The following SNUPN variants were observed in gnomAD, a reference collection of about 807,000 sequenced individuals.
SNUPN encodes the protein snurportin 1.
In SNUPN, 31 loss-of-function variants were observed where a neutral mutation model predicts 39.2. The observed-to-expected ratio is 0.79, with a 90% CI of 0.59 to 1.07. SNUPN has a LOEUF of 1.07. Ranked by LOEUF, SNUPN falls within the 50% of genes least tolerant of loss-of-function variation. The pLI, the probability that SNUPN is intolerant of heterozygous loss-of-function variation, is 0.00. For missense variants in SNUPN, 382 were observed against 434.2 expected (o/e 0.88, Z 1.07); for synonymous variants, 132 against 159.0 (o/e 0.83, Z 1.28).
Position 75,609,913 on chromosome 15 carries a change from T to C in SNUPN, c.385A>G (p.Arg129Gly). 2 of 1,613,996 alleles carry C rather than the reference T, an allele frequency of 1.2e-6. No homozygotes were observed. The highest frequency in any genetic ancestry group is 1.7e-6 in the Non-Finnish European group (2 of 1,179,922). ...WIVVVCPVGK[R>G]ALIVASRGST... ...ACCCTGGAGGCCACGATAAGGGCTC[T>C]TTTTCCAACAGGGCACACGACCACA... The change falls in exon 4 of 9, where the codon AGA (arginine) becomes GGA (glycine). Residue 129 changes from arginine (R) to glycine (G), a missense_variant. By Grantham distance (125) the Arg-to-Gly change is moderately radical. Coordinates refer to ENST00000308588, the MANE Select transcript of SNUPN (RefSeq NM_005701.4).
At chr15:75,624,451 G>C (rs1298959386) in intron 1 of SNUPN, among the ~76,000 whole-genome samples, 1 of 146,486 alleles carries the variant, frequency 6.8e-6, no homozygotes, top group Non-Finnish European at 1.5e-5. Flanking sequence ...CTGAGGTTAG[G>C]AGATCGAGAC....
At chr15:75,609,417 C>G (rs1327193613) in intron 5 of SNUPN, 141 bp downstream of exon 5, 1 of 653,930 alleles carries the variant, frequency 1.5e-6, no homozygotes, top group Non-Finnish European at 2.8e-6. Flanking sequence ...TCTCGATCTC[C>G]TGACCTCATG....
At chr15:75,602,711 T>C (rs2075298709) in intron 7 of SNUPN, among the ~76,000 whole-genome samples, 1 of 151,182 alleles carries the variant, frequency 6.6e-6, no homozygotes, top group Non-Finnish European at 1.5e-5. Context: ...GCTCAAGTGA[T>C]CCTCCCACCT....
At chr15:75,615,594 ATTTTTT>A (rs141302808) in intron 3 of SNUPN, among the ~76,000 whole-genome samples, 173 of 73,978 alleles carry the variant, frequency 2.3e-3, no homozygotes, top group African/African-American at 8.5e-3. Flanking sequence ...AAGGAATCTC[ATTTTTT>A]TTTTTTTTTT....
At position 75,617,410 on chromosome 15, in the gene SNUPN, G is replaced by A; in HGVS notation, c.301C>T (p.Gln101Ter). 6.2e-7 allele frequency: 1 copy of A among 1,613,464 alleles called. No homozygotes were observed. Among genetic ancestry groups the A allele is most frequent in the Non-Finnish European group, 8.5e-7 (1 of 1,179,768 alleles). ...VKKLPKHYAN[Q>*]LMLSEWLIDV... is the part of the protein sequence containing the mutation. ...CTCATCTTCTCTGGACCACTTACTT[G>A]ATTAGCATAGTGTTTTGGTAACTTC... Residue 101 changes from glutamine (Q) to a stop codon, truncating the protein, a stop_gained and splice_region_variant, in exon 3 of 9, where the codon CAA becomes TAA. Transcript: ENST00000308588. LOFTEE classifies it high-confidence loss of function.
intron 3 of SNUPN, among the ~76,000 whole-genome samples, chr15:75,611,747 C>T (rs1486541286): frequency 5.3e-5 from 8 of 151,564 alleles, no homozygotes; most frequent in African/African-American, 1.5e-4. Flanking sequence ...CCCAGCTACT[C>T]GGGAGGTTGA....
chr15:75,598,789 G>A (rs2075262713), intron 8 of SNUPN, 108 bp from the exon 9 acceptor site: 1 of 772,812 alleles, frequency 1.3e-6, no homozygotes, highest in African/African-American at 1.7e-5. Context: ...CTTTTTCTGG[G>A]TCACTGACAG....
chr15:75,603,522 G>A (rs1306226108), intron 7 of SNUPN, among the ~76,000 whole-genome samples: 1 of 151,236 alleles, frequency 6.6e-6, no homozygotes, highest in East Asian at 2.0e-4. Context: ...TTAGCCGGTC[G>A]TGGTGGTGGG....
At chr15:75,601,032 G>C (rs1331167476) in intron 8 of SNUPN, 106 bp downstream of exon 8, 2 of 864,982 alleles carry the variant, frequency 2.3e-6, no homozygotes, top group Non-Finnish European at 3.9e-6. Flanking sequence ...GTCCCATTCT[G>C]ATGCTTTGAC....
At chr15:75,609,725 G>C in intron 4 of SNUPN, 74 bp from the exon 5 acceptor site, 1 of 1,250,140 alleles carries the variant, frequency 8.0e-7, no homozygotes. Context: ...CATTCTGCAG[G>C]AATGTTACTC....
At chr15:75,619,679 A>G (rs1893021075) in intron 2 of SNUPN, among the ~76,000 whole-genome samples, 1 of 152,052 alleles carries the variant, frequency 6.6e-6, no homozygotes, top group African/African-American at 2.4e-5. Context: ...AACTAATAAT[A>G]TAGGAGAGGA....
chr15:75,615,791 G>A (rs531942439), intron 3 of SNUPN, among the ~76,000 whole-genome samples: 96 of 151,166 alleles, frequency 6.4e-4, no homozygotes, highest in African/African-American at 2.2e-3. Context: ...TGTATTTTTA[G>A]TAGAGACGGG....
chr15:75,606,013 C>T (rs2075328389), intron 6 of SNUPN, among the ~76,000 whole-genome samples: 1 of 152,116 alleles, frequency 6.6e-6, no homozygotes, highest in Non-Finnish European at 1.5e-5. Context: ...GGTGTGGTGG[C>T]AAGCGCCTGT....
At chr15:75,623,520 C>G (rs1893130075) in intron 1 of SNUPN, among the ~76,000 whole-genome samples, 1 of 150,646 alleles carries the variant, frequency 6.6e-6, no homozygotes, top group Non-Finnish European at 1.5e-5. Flanking sequence ...TCTCGGCTCA[C>G]TGCAGCCTCC....
chr15:75,611,845 C>A (rs902708421), intron 3 of SNUPN, among the ~76,000 whole-genome samples: 1 of 151,784 alleles, frequency 6.6e-6, no homozygotes, highest in African/African-American at 2.4e-5. Flanking sequence ...CAGAGCGAGA[C>A]CCCGTCTCAA....
intron 1 of SNUPN, among the ~76,000 whole-genome samples, chr15:75,622,745 G>A (rs1893103029): frequency 6.6e-6 from 1 of 152,148 alleles, no homozygotes; most frequent in African/African-American, 2.4e-5. Context: ...CAACTCCATA[G>A]GCCTCTACTT....
intron 3 of SNUPN, among the ~76,000 whole-genome samples, chr15:75,612,102 G>A (rs1401165790): frequency 4.7e-5 from 7 of 148,320 alleles, no homozygotes; most frequent in Non-Finnish European, 1.0e-4. Flanking sequence ...GCACAATCTC[G>A]GTTCACTGCA....
Position 75,609,655 on chromosome 15 carries a change from C to A in SNUPN, c.409-4G>T. 6 of 1,600,992 alleles carry A rather than the reference C, an allele frequency of 3.7e-6. No individual in the cohort carries two copies. The highest frequency in any genetic ancestry group is 5.1e-6 in the Non-Finnish European group (6 of 1,173,090). ...TGGTGTAGGCACTGGTAGAACCCTGCATGGAGAGAAAGTTACCATTCTTAT... is the reference window on the plus strand; with the variant it reads ...TGGTGTAGGCACTGGTAGAACCCTGAATGGAGAGAAAGTTACCATTCTTAT... On this transcript the variant is annotated splice_polypyrimidine_tract_variant and splice_region_variant and intron_variant, in intron 4 of 8. Transcript: ENST00000308588.
intron 1 of SNUPN, chr15:75,624,671 A>G: frequency 8.5e-7 from 1 of 1,171,854 alleles, no homozygotes; most frequent in African/African-American, 1.6e-5. Context: ...AAAAGAAAAA[A>G]AAAAGAAAAA....
Sources: gnomAD v4.1 joint callset for allele counts (sites outside exome capture counted in the v4.1 genomes callset) on GRCh38, gnomAD v4.1.1 for gene constraint, MANE v1.5 for transcripts, NCBI Gene and HGNC (gene_info 2026-07-23, HGNC 2026-07-21) for gene names.